The following NELL1 variants were observed in gnomAD, a reference collection of about 807,000 sequenced individuals.
NELL1 encodes protein kinase C-binding protein NELL1.
NELL1 carries 76 observed loss-of-function variants against 107.4 expected under a neutral mutation model. That is an observed-to-expected ratio of 0.71 (90% CI 0.59 to 0.86). NELL1 has a LOEUF of 0.86. NELL1 is among the 40% of genes least tolerant of loss of function. NELL1 has a pLI of 0.00. For synonymous variants in NELL1, 353 were observed against 341.2 expected (o/e 1.03, Z -0.38); for missense variants, 1,024 against 1,005.5 (o/e 1.02, Z -0.25).
intron 16 of NELL1, among the ~76,000 whole-genome samples, chr11:21,553,614 C>G (rs865790857): frequency 2.6e-5 from 4 of 151,694 alleles, no homozygotes; most frequent in South Asian, 2.1e-4. Context: ...CAAAGAGAAG[C>G]CTGGGGCCAT....
At chr11:20,909,474 A>G (rs1850077347) in intron 5 of NELL1, among the ~76,000 whole-genome samples, 1 of 152,186 alleles carries the variant, frequency 6.6e-6, no homozygotes, top group Non-Finnish European at 1.5e-5. Flanking sequence ...ACAGAAACAT[A>G]ACAAGAACTC....
Position 20,847,644 on chromosome 11 carries a change from G to A in NELL1, c.397G>A (p.Gly133Arg). The A allele has an allele frequency of 1.9e-6, 3 of 1,613,850 alleles. No individual in the cohort carries two copies. Among genetic ancestry groups the A allele is most frequent in the Non-Finnish European group, 2.5e-6 (3 of 1,179,856 alleles). The change falls in exon 4 of 20, where the codon GGG becomes AGG. Residue 133 changes from glycine to arginine, a missense_variant. By Grantham distance (125) the Gly-to-Arg change is moderately radical. Transcript: ENST00000357134. Reference sequence around the variant, plus strand: ...GATTCGGTATCACTACATACACAATGGGAAGCCAAGGACAGAGGCACTTCC... The same window carrying A: ...GATTCGGTATCACTACATACACAATAGGAAGCCAAGGACAGAGGCACTTCC... ...DEIRYHYIHNGKPRTEALPYR... is the reference protein window; with the variant it reads ...DEIRYHYIHNRKPRTEALPYR...
intron 14 of NELL1, among the ~76,000 whole-genome samples, chr11:21,301,915 A>G (rs1290242251): frequency 6.6e-6 from 1 of 152,052 alleles, no homozygotes; most frequent in Non-Finnish European, 1.5e-5. Context: ...GGCAGGTGTC[A>G]TTATTTACTC....
At chr11:21,469,228 G>A (rs1364471245) in intron 15 of NELL1, among the ~76,000 whole-genome samples, 2 of 151,982 alleles carry the variant, frequency 1.3e-5, no homozygotes, top group African/African-American at 4.8e-5. Context: ...AGAGTAGGAC[G>A]ACTGAAAGAC....
At chr11:20,766,057 G>C (rs1391211843) in intron 2 of NELL1, among the ~76,000 whole-genome samples, 1 of 152,188 alleles carries the variant, frequency 6.6e-6, no homozygotes, top group Non-Finnish European at 1.5e-5. Flanking sequence ...GTAATCAGTT[G>C]TGACACAAGT....
chr11:21,128,235 A>G (rs531873935), intron 13 of NELL1, among the ~76,000 whole-genome samples: 66 of 152,308 alleles, frequency 4.3e-4, no homozygotes, highest in African/African-American at 1.6e-3. Flanking sequence ...GTAACTAGAC[A>G]GTGGTGCTCT....
intron 2 of NELL1, among the ~76,000 whole-genome samples, chr11:20,696,429 C>T (rs1407843527): frequency 6.6e-6 from 1 of 152,028 alleles, no homozygotes; most frequent in Non-Finnish European, 1.5e-5. Flanking sequence ...ATCTTTCTAA[C>T]TTTTTAAGGT....
chr11:20,901,263 A>G (rs1849866410), intron 5 of NELL1, among the ~76,000 whole-genome samples: 1 of 152,146 alleles, frequency 6.6e-6, no homozygotes, highest in Admixed American at 6.6e-5. Flanking sequence ...GCCAAAGATA[A>G]GATCAATTGC....
chr11:20,806,140 T>TA (rs1554924194), intron 3 of NELL1, among the ~76,000 whole-genome samples: 15 of 150,754 alleles, frequency 9.9e-5, no homozygotes, highest in Non-Finnish European at 2.2e-4. Context: ...TTTTTTTTTT[T>TA]ATCAGATTGA....
chr11:20,911,369 C>T (rs1850127621), intron 5 of NELL1, among the ~76,000 whole-genome samples: 1 of 152,138 alleles, frequency 6.6e-6, no homozygotes, highest in African/African-American at 2.4e-5. Flanking sequence ...TGATTTTTAT[C>T]CCCATTGTGT....
intron 12 of NELL1, among the ~76,000 whole-genome samples, chr11:21,055,592 T>C (rs1419834064): frequency 6.6e-6 from 1 of 152,170 alleles, no homozygotes; most frequent in Non-Finnish European, 1.5e-5. Context: ...TTTCTTCTGT[T>C]ATCTGTTCTA....
intron 15 of NELL1, among the ~76,000 whole-genome samples, chr11:21,522,997 A>G (rs1855767717): frequency 6.7e-6 from 1 of 150,310 alleles, no homozygotes; most frequent in African/African-American, 2.4e-5. Flanking sequence ...GGCGCCCACC[A>G]CCACGCCCGG....
intron 15 of NELL1, among the ~76,000 whole-genome samples, chr11:21,465,509 G>A (rs918858595): frequency 6.6e-6 from 1 of 152,002 alleles, no homozygotes; most frequent in African/African-American, 2.4e-5. Context: ...ATTTACTATA[G>A]CATTTTCATT....
chr11:21,303,447 G>A (rs1849540941), intron 14 of NELL1, among the ~76,000 whole-genome samples: 1 of 151,926 alleles, frequency 6.6e-6, no homozygotes, highest in Admixed American at 6.6e-5. Context: ...AGTCAGAATT[G>A]CTATTATTAA....
intron 14 of NELL1, among the ~76,000 whole-genome samples, chr11:21,263,656 G>A (rs1478600008): frequency 6.6e-6 from 1 of 151,946 alleles, no homozygotes; most frequent in Non-Finnish European, 1.5e-5. Context: ...TGTATACCTA[G>A]TTTTTAAGGA....
chr11:20,947,300 G>A (rs1387757060), intron 10 of NELL1, 36 bp from the exon 11 acceptor site: 1 of 1,421,954 alleles, frequency 7.0e-7, no homozygotes, highest in Non-Finnish European at 9.9e-7. Context: ...CTAAAAATGT[G>A]AACATCTTTT....
chr11:21,308,400 AAG>A (rs1341885587), intron 14 of NELL1, among the ~76,000 whole-genome samples: 1 of 152,054 alleles, frequency 6.6e-6, no homozygotes, highest in African/African-American at 2.4e-5. Context: ...AATAGGTCAT[AAG>A]AGGGGACTCC....
intron 9 of NELL1, among the ~76,000 whole-genome samples, chr11:20,929,419 G>A (rs1380768406): frequency 1.3e-5 from 2 of 151,418 alleles, no homozygotes; most frequent in Admixed American, 6.6e-5. Flanking sequence ...TTTTCAAAAA[G>A]GAACTTTGTA....
intron 12 of NELL1, among the ~76,000 whole-genome samples, chr11:21,008,868 G>A (rs759867598): frequency 1.9e-4 from 29 of 152,072 alleles, no homozygotes; most frequent in Non-Finnish European, 3.8e-4. Context: ...AGGGAAAGTA[G>A]AATTTAACAT....
Sources: allele counts gnomAD v4.1 joint callset (sites outside exome capture counted in the v4.1 genomes callset), GRCh38; gene constraint gnomAD v4.1.1; transcripts MANE v1.5; gene names NCBI Gene and HGNC (gene_info 2026-07-23, HGNC 2026-07-21).